Variants in SPOCK3 observed in about 807,000 individuals in gnomAD.
SPOCK3 encodes the protein SPARC (osteonectin), cwcv and kazal like domains proteoglycan 3.
In SPOCK3, 30 loss-of-function variants were observed where a neutral mutation model predicts 56.6. That is an observed-to-expected ratio of 0.53 (90% CI 0.40 to 0.72). SPOCK3 has a LOEUF of 0.72. Among genes scored for constraint, SPOCK3 ranks in the 30% least tolerant of loss-of-function variants. The probability of loss-of-function intolerance (pLI) is 0.00; values close to 1 mark genes in which losing one functional copy is unlikely to be tolerated. For synonymous variants in SPOCK3, 196 were observed against 183.3 expected (o/e 1.07, Z -0.56); for missense variants, 527 against 530.0 (o/e 0.99, Z 0.06).
chr4:167,075,140 T>C lies in SPOCK3; in HGVS notation c.190-12603A>G, dbSNP rs534039929. On this transcript the variant is annotated intron_variant, in intron 2 of 10. Coordinates refer to ENST00000357545, the MANE Select transcript of SPOCK3 (RefSeq NM_001040159.2). Reference sequence around the variant, plus strand: ...TGCCCGTACTATTTGGCAGCACTTCTAAAGCTATTTGTCAGGAGGAACCAG... The same window carrying C: ...TGCCCGTACTATTTGGCAGCACTTCCAAAGCTATTTGTCAGGAGGAACCAG... Among the ~76,000 whole-genome samples the C allele has an allele frequency of 2.0e-5, 3 of 152,036 alleles. No homozygotes were observed. In the South Asian group the frequency reaches 6.2e-4, roughly 31 times the overall value.
chr4:167,051,604 C>T (rs1228891372), intron 3 of SPOCK3, among the ~76,000 whole-genome samples: 1 of 152,214 alleles, frequency 6.6e-6, no homozygotes, highest in African/African-American at 2.4e-5. Flanking sequence ...ATGAAGTCTT[C>T]ATCTGATGCT....
chr4:167,120,907 A>G (rs1382075518), intron 2 of SPOCK3, among the ~76,000 whole-genome samples: 1 of 151,956 alleles, frequency 6.6e-6, no homozygotes, highest in Non-Finnish European at 1.5e-5. Flanking sequence ...ATTGGGTAAC[A>G]TCATAGTTTG....
At chr4:167,180,407 A>G (rs938784604) in intron 2 of SPOCK3, among the ~76,000 whole-genome samples, 1 of 152,118 alleles carries the variant, frequency 6.6e-6, no homozygotes, top group Admixed American at 6.5e-5. Flanking sequence ...CAGGGACATC[A>G]CCATGTGAGC....
intron 7 of SPOCK3, among the ~76,000 whole-genome samples, chr4:166,768,690 T>G (rs1268749513): frequency 6.6e-6 from 1 of 152,182 alleles, no homozygotes; most frequent in African/African-American, 2.4e-5. Flanking sequence ...TTGAGGAGTA[T>G]CTTTGTGGCG....
chr4:167,221,997 T>C (rs1735965885), intron 2 of SPOCK3, among the ~76,000 whole-genome samples: 1 of 152,164 alleles, frequency 6.6e-6, no homozygotes, highest in South Asian at 2.1e-4. Context: ...TGAAGAAATA[T>C]TTGCATACCT....
chr4:166,836,323 C>A (rs958677771), intron 6 of SPOCK3, among the ~76,000 whole-genome samples: 17 of 152,138 alleles, frequency 1.1e-4, no homozygotes, highest in Non-Finnish European at 1.5e-5. Flanking sequence ...ACGATTTTAT[C>A]ATTTTTTTCA....
At chr4:167,106,889 C>T (rs1760211264) in intron 2 of SPOCK3, among the ~76,000 whole-genome samples, 1 of 151,164 alleles carries the variant, frequency 6.6e-6, no homozygotes, top group South Asian at 2.1e-4. Flanking sequence ...TTTATGCCAA[C>T]AAATTGGAAA....
chr4:166,936,591 G>A (rs1022291844), intron 4 of SPOCK3, among the ~76,000 whole-genome samples: 1 of 151,890 alleles, frequency 6.6e-6, no homozygotes, highest in Admixed American at 6.6e-5. Context: ...ATATTTGATA[G>A]GAGATTTGTC....
chr4:166,893,580 G>T (rs1735019095), intron 5 of SPOCK3, among the ~76,000 whole-genome samples: 1 of 150,472 alleles, frequency 6.6e-6, no homozygotes, highest in Non-Finnish European at 1.5e-5. Context: ...TTATGCAACT[G>T]ATAAAAAAAT....
intron 2 of SPOCK3, among the ~76,000 whole-genome samples, chr4:167,081,734 G>A (rs888892107): frequency 1.3e-5 from 2 of 152,092 alleles, no homozygotes; most frequent in African/African-American, 4.8e-5. Flanking sequence ...CCAAAAATAG[G>A]AGAAAGTCAA....
intron 3 of SPOCK3, among the ~76,000 whole-genome samples, chr4:167,031,989 T>C (rs1219819990): frequency 6.6e-6 from 1 of 152,038 alleles, no homozygotes; most frequent in Non-Finnish European, 1.5e-5. Flanking sequence ...TAGCCAGGGC[T>C]GGTTTATTTT....
chr4:166,983,945 TAAAAC>T (rs911321081), intron 4 of SPOCK3, among the ~76,000 whole-genome samples: 8 of 151,946 alleles, frequency 5.3e-5, no homozygotes, highest in Non-Finnish European at 1.0e-4. Context: ...TTCAATATAA[TAAAAC>T]AAGAGAAGGA....
chr4:166,926,091 G>C (rs2149986533), intron 4 of SPOCK3, among the ~76,000 whole-genome samples: 1 of 152,134 alleles, frequency 6.6e-6, no homozygotes, highest in Non-Finnish European at 1.5e-5. Context: ...AATTTTTATA[G>C]GAAAATTATT....
chr4:166,861,932 C>T (rs62353219), intron 6 of SPOCK3, among the ~76,000 whole-genome samples: 11,703 of 152,142 alleles, frequency 0.077, 541 homozygotes, highest in Non-Finnish European at 0.1. Flanking sequence ...GATCCATTAG[C>T]TCCACTTTAG....
chr4:166,865,182 A>G (rs1460220840), intron 6 of SPOCK3, among the ~76,000 whole-genome samples: 1 of 152,162 alleles, frequency 6.6e-6, no homozygotes, highest in African/African-American at 2.4e-5. Context: ...GACAAAAACC[A>G]CATGATTATC....
chr4:167,142,696 A>T (rs1433772973), intron 2 of SPOCK3, among the ~76,000 whole-genome samples: 2 of 151,978 alleles, frequency 1.3e-5, no homozygotes, highest in Non-Finnish European at 2.9e-5. Context: ...TGCAAAGGAG[A>T]TTAAGCCGAT....
intron 2 of SPOCK3, among the ~76,000 whole-genome samples, chr4:167,164,872 C>G (rs899106216): frequency 6.6e-6 from 1 of 151,954 alleles, no homozygotes; most frequent in African/African-American, 2.4e-5. Flanking sequence ...CAAATCTTTT[C>G]TGGTGTAAAT....
intron 6 of SPOCK3, among the ~76,000 whole-genome samples, chr4:166,879,449 T>C (rs1322444516): frequency 6.6e-6 from 1 of 152,092 alleles, no homozygotes; most frequent in Admixed American, 6.6e-5. Flanking sequence ...GGTGGGAGGA[T>C]CACTTGAGAC....
At chr4:166,743,809 C>A (rs1048249387) in intron 8 of SPOCK3, among the ~76,000 whole-genome samples, 1 of 152,212 alleles carries the variant, frequency 6.6e-6, no homozygotes, top group Non-Finnish European at 1.5e-5. Context: ...AGACTATATC[C>A]TGCGCCTGGT....
Sources: gnomAD v4.1 joint callset for allele counts (sites outside exome capture counted in the v4.1 genomes callset) on GRCh38, gnomAD v4.1.1 for gene constraint, MANE v1.5 for transcripts, NCBI Gene and HGNC (gene_info 2026-07-23, HGNC 2026-07-21) for gene names.